Variants in GALNT18 observed in about 807,000 individuals in gnomAD.
The protein encoded by GALNT18 is polypeptide N-acetylgalactosaminyltransferase 18, also known as GalNAc-transferase 18.
Under a neutral mutation model 69.5 loss-of-function variants are expected in GALNT18, and 44 were observed. The ratio of observed to expected loss-of-function variants is 0.63; its 90% CI spans 0.50 to 0.81. GALNT18 has a LOEUF of 0.81. Among genes scored for constraint, GALNT18 ranks in the 40% least tolerant of loss-of-function variants. The pLI, the probability that GALNT18 is intolerant of heterozygous loss-of-function variation, is 0.00. For missense variants in GALNT18, 715 were observed against 810.0 expected (o/e 0.88, Z 1.42); for synonymous variants, 364 against 318.2 (o/e 1.14, Z -1.53).
chr11:11,274,123 A>T (rs900558488), intron 10 of GALNT18, among the ~76,000 whole-genome samples: 2 of 152,104 alleles, frequency 1.3e-5, no homozygotes, highest in Admixed American at 6.5e-5. Context: ...GCTGTGAGAG[A>T]GTGTACCGGG....
In GALNT18 at chr11:11,314,397, G is replaced by A. The variant is rs1157400613; in HGVS notation, c.1512+12689C>T. Among the ~76,000 whole-genome samples, 3 of 147,502 alleles carry A rather than the reference G, an allele frequency of 2.0e-5. No homozygotes were observed. The highest frequency in any genetic ancestry group is 4.5e-5 in the Non-Finnish European group (3 of 67,030). On this transcript the variant is annotated intron_variant, in intron 9 of 10. Coordinates refer to ENST00000227756, the MANE Select transcript of GALNT18 (RefSeq NM_198516.3). The surrounding 1 kb of genome is among the most constrained non-coding windows in gnomAD (Gnocchi z 5.2). Reference sequence around the variant, plus strand: ...CAAGCAGCTCCTTTTTTTTTTTTTAGCATGGAAGCTGCAGGAGCAGCCCAG... The same window carrying A: ...CAAGCAGCTCCTTTTTTTTTTTTTAACATGGAAGCTGCAGGAGCAGCCCAG...
Position 11,587,363 on chromosome 11 carries a change from C to T in GALNT18, c.235+33996G>A, listed in dbSNP as rs564821277. ...AAATGCCATGATTCCCATGTCAGTA[C>T]GCCACGTATGCTGACCCCATCAGCA... is the stretch of plus-strand genomic sequence containing the variant. On this transcript the variant is annotated intron_variant, in intron 1 of 10. Coordinates refer to ENST00000227756, the MANE Select transcript of GALNT18 (RefSeq NM_198516.3). The surrounding 1 kb of genome is among the most constrained non-coding windows in gnomAD (Gnocchi z 4.4). Among the ~76,000 whole-genome samples the T allele has an allele frequency of 2.6e-5, 4 of 152,288 alleles. No homozygotes were observed. The highest frequency in any genetic ancestry group is 6.8e-3 in the Middle Eastern group (2 of 294).
intron 1 of GALNT18, among the ~76,000 whole-genome samples, chr11:11,477,289 G>A (rs1856422697): frequency 6.6e-6 from 1 of 152,226 alleles, no homozygotes; most frequent in African/African-American, 2.4e-5. Flanking sequence ...GCCACTATGA[G>A]GGACCAAAGG....
chr11:11,386,056 C>T (rs947061397), intron 3 of GALNT18, among the ~76,000 whole-genome samples: 1 of 152,122 alleles, frequency 6.6e-6, no homozygotes, highest in Non-Finnish European at 1.5e-5. Flanking sequence ...CAACAGATTC[C>T]CCCTCATAGT....
chr11:11,415,821 A>T lies in GALNT18; in HGVS notation c.595+16800T>A, dbSNP rs1854842544. On this transcript the variant is annotated intron_variant, in intron 3 of 10. Coordinates refer to ENST00000227756, the MANE Select transcript of GALNT18 (RefSeq NM_198516.3). This position sits in a 1 kb window ranked among gnomAD's most constrained non-coding sequence, Gnocchi z 4.1. ...TTTTCCTGCCACGTAGAATTCAGGA[A>T]TTCAGCAAGCAGCAACGCTCTCCAC... 6.6e-6 allele frequency among the ~76,000 whole-genome samples: 1 copy of T among 152,190 alleles called. No individual in the cohort carries two copies. The highest frequency in any genetic ancestry group is 2.4e-5 in the African/African-American group (1 of 41,460).
At chr11:11,464,897 A>T (rs1374015405) in intron 1 of GALNT18, among the ~76,000 whole-genome samples, 2 of 152,218 alleles carry the variant, frequency 1.3e-5, no homozygotes, top group Non-Finnish European at 2.9e-5. Context: ...AGTTAATAAC[A>T]GAGCCTTTCA....
Position 11,618,907 on chromosome 11 carries a change from A to G in GALNT18, c.235+2452T>C, listed in dbSNP as rs955528795. 1.2e-4 allele frequency among the ~76,000 whole-genome samples: 18 copies of G among 152,280 alleles called. No individual in the cohort carries two copies. Among genetic ancestry groups the G allele is most frequent in the African/African-American group, 4.3e-4 (18 of 41,566 alleles). On this transcript the variant is annotated intron_variant, in intron 1 of 10. Transcript: ENST00000227756. The surrounding 1 kb of genome is among the most constrained non-coding windows in gnomAD (Gnocchi z 6.1). ...TCAAAGGGCTATGCTGACTAGAGGGAACTTGACAGTGGGTTACACATAAAC... is the reference window on the plus strand; with the variant it reads ...TCAAAGGGCTATGCTGACTAGAGGGGACTTGACAGTGGGTTACACATAAAC...
intron 3 of GALNT18, among the ~76,000 whole-genome samples, chr11:11,385,374 C>G (rs1043505895): frequency 6.6e-6 from 1 of 151,604 alleles, no homozygotes; most frequent in South Asian, 2.1e-4. Flanking sequence ...CGGCTCACTG[C>G]AAGCTCCGCC....
rs1858530296 is a variant in GALNT18 at position 11,562,326 on chromosome 11, T to C, written c.235+59033A>G. Among the ~76,000 whole-genome samples, 1 of 152,166 alleles carries C rather than the reference T, an allele frequency of 6.6e-6. No individual in the cohort carries two copies. Among genetic ancestry groups the C allele is most frequent in the Non-Finnish European group, 1.5e-5 (1 of 68,022 alleles). ...TAGTGTGTGTCTGTCTGCGTGTCCA[T>C]GTTTCCCCTTTAGATGTGCACACCC... is the stretch of plus-strand genomic sequence containing the variant. On this transcript the variant is annotated intron_variant, in intron 1 of 10. Transcript: ENST00000227756. This position sits in a 1 kb window ranked among gnomAD's most constrained non-coding sequence, Gnocchi z 4.1.
chr11:11,343,149 G>C (rs1850241092), intron 6 of GALNT18, among the ~76,000 whole-genome samples: 1 of 152,050 alleles, frequency 6.6e-6, no homozygotes. Context: ...TTTGAGACCA[G>C]CTTGGGTAAC....
chr11:11,406,902 C>T (rs547743117), intron 3 of GALNT18, among the ~76,000 whole-genome samples: 1 of 152,302 alleles, frequency 6.6e-6, no homozygotes, highest in East Asian at 1.9e-4. Context: ...TGTGGGTCTT[C>T]AGGTTCTTTG....
intron 6 of GALNT18, among the ~76,000 whole-genome samples, chr11:11,349,628 A>G (rs1850363422): frequency 6.6e-6 from 1 of 152,206 alleles, no homozygotes. Flanking sequence ...CCTCACCAAG[A>G]CACTAAACAG....
In GALNT18 at chr11:11,439,169, A is replaced by AG. The variant is rs1855480251; in HGVS notation, c.429-6383dup. 6.6e-6 allele frequency among the ~76,000 whole-genome samples: 1 copy of AG among 152,208 alleles called. No individual in the cohort carries two copies. Among genetic ancestry groups the AG allele is most frequent in the African/African-American group, 2.4e-5 (1 of 41,446 alleles). The stretch of plus-strand genomic sequence containing the variant: ...CCTAAGAAGATGATAAGTGAGGCGC[A>AG]GGGGAGCAGAAATGATGAATAGGAA... On this transcript the variant is annotated intron_variant, in intron 2 of 10. Transcript: ENST00000227756. The surrounding 1 kb of genome is among the most constrained non-coding windows in gnomAD (Gnocchi z 4.4).
chr11:11,380,288 T>A (rs902444760), intron 3 of GALNT18, among the ~76,000 whole-genome samples: 1 of 152,220 alleles, frequency 6.6e-6, no homozygotes, highest in Non-Finnish European at 1.5e-5. Context: ...ACTTTCCACA[T>A]AACAACTGAA....
At chr11:11,366,883 C>T (rs1850784099) in intron 6 of GALNT18, among the ~76,000 whole-genome samples, 1 of 152,066 alleles carries the variant, frequency 6.6e-6, no homozygotes, top group East Asian at 1.9e-4. Context: ...GAGGAAAAAA[C>T]CTAGGAGAGG....
chr11:11,403,326 C>T (rs980149996), intron 3 of GALNT18, among the ~76,000 whole-genome samples: 1 of 152,172 alleles, frequency 6.6e-6, no homozygotes, highest in Non-Finnish European at 1.5e-5. Context: ...AGCTAATTCT[C>T]CTGTTGAATG....
At chr11:11,484,465 C>A (rs374496479) in intron 1 of GALNT18, among the ~76,000 whole-genome samples, 113 of 152,036 alleles carry the variant, frequency 7.4e-4, no homozygotes, top group African/African-American at 2.6e-3. Context: ...TGGTAGCACA[C>A]TCCTGTAATC....
intron 2 of GALNT18, among the ~76,000 whole-genome samples, chr11:11,446,922 A>C (rs1855667094): frequency 6.6e-6 from 1 of 152,112 alleles, no homozygotes; most frequent in Admixed American, 6.5e-5. Flanking sequence ...AACAATACTG[A>C]AGCTGAGTGC....
chr11:11,433,717 C>T (rs536286151), intron 2 of GALNT18, among the ~76,000 whole-genome samples: 1 of 152,218 alleles, frequency 6.6e-6, no homozygotes, highest in Non-Finnish European at 1.5e-5. Context: ...TAGTTCCCTC[C>T]TCTGCAAGCA....
Sources: gnomAD v4.1 joint callset for allele counts (sites outside exome capture counted in the v4.1 genomes callset) on GRCh38, gnomAD v4.1.1 for gene constraint, Gnocchi (gnomAD v3.1) non-coding constraint, MANE v1.5 for transcripts, NCBI Gene and HGNC (gene_info 2026-07-23, HGNC 2026-07-21) for gene names.